Variants in CCDC7 observed in about 807,000 individuals in gnomAD.
CCDC7 encodes coiled-coil domain containing 7, also known as coiled-coil domain-containing protein 7.
A neutral mutation model predicts 196.9 loss-of-function variants in CCDC7; 183 were observed. The ratio of observed to expected loss-of-function variants is 0.93; its 90% CI spans 0.82 to 1.05. The LOEUF (loss-of-function observed/expected upper bound fraction) is 1.05. Ranked by LOEUF, CCDC7 falls within the 50% of genes least tolerant of loss-of-function variation. The pLI, the probability that CCDC7 is intolerant of heterozygous loss-of-function variation, is 0.00. For synonymous variants in CCDC7, 525 were observed against 484.6 expected (o/e 1.08, Z -1.10); for missense variants, 1,540 against 1,482.2 (o/e 1.04, Z -0.64).
intron 13 of CCDC7, among the ~76,000 whole-genome samples, chr10:32,559,454 C>G (rs551163382): frequency 6.6e-6 from 1 of 152,262 alleles, no homozygotes; most frequent in East Asian, 1.9e-4. Flanking sequence ...CTCACACGGC[C>G]GGGTACTCCT....
At chr10:32,842,873 A>G (rs1349141552) in intron 33 of CCDC7, among the ~76,000 whole-genome samples, 1 of 152,060 alleles carries the variant, frequency 6.6e-6, no homozygotes, top group African/African-American at 2.4e-5. Context: ...GTTCTCACTC[A>G]TGTGGGAGCT....
intron 24 of CCDC7, among the ~76,000 whole-genome samples, chr10:32,704,713 C>T (rs967333371): frequency 2.0e-5 from 3 of 152,148 alleles, no homozygotes; most frequent in Non-Finnish European, 2.9e-5. Context: ...CAATGGCAGG[C>T]GCCCTTCCTC....
At chr10:32,835,349 A>C (rs1285821709) in intron 33 of CCDC7, among the ~76,000 whole-genome samples, 10 of 152,052 alleles carry the variant, frequency 6.6e-5, no homozygotes, top group Non-Finnish European at 1.0e-4. Flanking sequence ...TATATTTAGG[A>C]TAGTTAGATC....
chr10:32,465,594 A>G (rs1044597906), intron 5 of CCDC7, among the ~76,000 whole-genome samples: 1 of 152,134 alleles, frequency 6.6e-6, no homozygotes, highest in African/African-American at 2.4e-5. Flanking sequence ...TCCTAAACCC[A>G]ACCAGTAAAT....
chr10:32,683,723 G>A (rs914368474), intron 21 of CCDC7, among the ~76,000 whole-genome samples: 4 of 152,140 alleles, frequency 2.6e-5, no homozygotes, highest in Admixed American at 6.5e-5. Context: ...AGCAGCAATG[G>A]CAGAGGGGCT....
intron 41 of CCDC7, among the ~76,000 whole-genome samples, chr10:32,866,708 C>G (rs1193802760): frequency 1.3e-5 from 2 of 151,064 alleles, no homozygotes; most frequent in Non-Finnish European, 3.0e-5. Flanking sequence ...AGAATGGCAG[C>G]TGATAAAGGT....
At chr10:32,510,957 AT>A (rs1357315765) in intron 9 of CCDC7, among the ~76,000 whole-genome samples, 3 of 151,284 alleles carry the variant, frequency 2.0e-5, no homozygotes, top group African/African-American at 7.3e-5. Flanking sequence ...AGCATACTTC[AT>A]AAGGTCATTA....
chr10:32,610,836 G>T (rs183888936), intron 18 of CCDC7, among the ~76,000 whole-genome samples: 1 of 152,134 alleles, frequency 6.6e-6, no homozygotes, highest in African/African-American at 2.4e-5. Context: ...TGGGCATTTT[G>T]GTTGGTTCCA....
intron 18 of CCDC7, among the ~76,000 whole-genome samples, chr10:32,619,800 T>C (rs576736318): frequency 1.1e-4 from 17 of 152,072 alleles, no homozygotes; most frequent in African/African-American, 3.9e-4. Flanking sequence ...GGTCTTGCTA[T>C]GTTGCCCAGC....
At chr10:32,622,062 G>A (rs961563757) in intron 18 of CCDC7, among the ~76,000 whole-genome samples, 8 of 152,194 alleles carry the variant, frequency 5.3e-5, no homozygotes, top group African/African-American at 1.9e-4. Flanking sequence ...ATTTATCTGT[G>A]TTTTATCTCT....
At chr10:32,818,087 A>G (rs933641719) in intron 31 of CCDC7, among the ~76,000 whole-genome samples, 5 of 152,220 alleles carry the variant, frequency 3.3e-5, no homozygotes, top group African/African-American at 7.2e-5. Context: ...TGTATTCAGG[A>G]AACCCATCTC....
chr10:32,511,451 A>G, intron 9 of CCDC7: 1 of 1,606,382 alleles, frequency 6.2e-7, no homozygotes, highest in Non-Finnish European at 8.5e-7. Flanking sequence ...TATTTCCTTG[A>G]CTCTGTTCAT....
chr10:32,872,838 C>G (rs543637507), intron 41 of CCDC7, among the ~76,000 whole-genome samples: 1 of 152,206 alleles, frequency 6.6e-6, no homozygotes, highest in African/African-American at 2.4e-5. Flanking sequence ...GTTGAAAATT[C>G]TTCTCTTTAA....
rs1283123819 is a variant in CCDC7 at position 32,870,665 on chromosome 10, G to A, written c.4112-5682G>A. 3.9e-5 allele frequency among the ~76,000 whole-genome samples: 6 copies of A among 152,092 alleles called. No individual in the cohort carries two copies. The South Asian group carries it at 6.2e-4, about 16-fold the overall frequency. On this transcript the variant is annotated intron_variant, in intron 41 of 41. Transcript: ENST00000639629. Reference sequence around the variant, plus strand: ...AGGAGTGATGAGAGAGGGCATCCCTGTCTTGTGCCAGTTTTCAAAGGGAAT... The same window carrying A: ...AGGAGTGATGAGAGAGGGCATCCCTATCTTGTGCCAGTTTTCAAAGGGAAT...
Position 32,593,329 on chromosome 10 carries a change from G to T in CCDC7, c.1801+9025G>T, listed in dbSNP as rs2059971928. Among the ~76,000 whole-genome samples, 3 of 152,058 alleles carry T rather than the reference G, an allele frequency of 2.0e-5. No individual in the cohort carries two copies. In the South Asian group the frequency reaches 6.2e-4, roughly 32 times the overall value. ...GATGAGCATTTTTTCTGTGTTTTTT[G>T]GCTACATAAATATCTTCTTTTGAGA... On this transcript the variant is annotated intron_variant, in intron 18 of 41. Transcript: ENST00000639629.
chr10:32,784,500 AG>A (rs1422139741), intron 29 of CCDC7, among the ~76,000 whole-genome samples: 1 of 152,142 alleles, frequency 6.6e-6, no homozygotes, highest in Non-Finnish European at 1.5e-5. Context: ...TTCCTGCGTT[AG>A]TTTGGTAAGG....
At chr10:32,598,337 T>C (rs190255247) in intron 18 of CCDC7, among the ~76,000 whole-genome samples, 93 of 152,350 alleles carry the variant, frequency 6.1e-4, no homozygotes, top group Middle Eastern at 3.4e-3. Context: ...GTATGCCATT[T>C]GCTAAGGCCA....
rs1243799341 is a variant in CCDC7 at position 32,600,979 on chromosome 10, G to T, written c.1801+16675G>T. Among the ~76,000 whole-genome samples, 3 of 152,174 alleles carry T rather than the reference G, an allele frequency of 2.0e-5. No homozygotes were observed. In the East Asian group the frequency reaches 5.8e-4, roughly 29 times the overall value. On this transcript the variant is annotated intron_variant, in intron 18 of 41. Transcript: ENST00000639629. The stretch of plus-strand genomic sequence containing the variant: ...CCTTTTTGAAGGACAGCTTTGCCAG[G>T]TATAGAATTCTTATTTGATTTTTTT...
chr10:32,505,832 C>G (rs562188482), intron 9 of CCDC7, among the ~76,000 whole-genome samples: 1 of 148,704 alleles, frequency 6.7e-6, no homozygotes, highest in East Asian at 2.0e-4. Flanking sequence ...TCCTCACTTC[C>G]CAGATGATGG....
Sources: allele counts gnomAD v4.1 joint callset (sites outside exome capture counted in the v4.1 genomes callset), GRCh38; gene constraint gnomAD v4.1.1; transcripts MANE v1.5; gene names NCBI Gene and HGNC (gene_info 2026-07-23, HGNC 2026-07-21).